The following POC1B variants were observed in gnomAD, a reference collection of about 807,000 sequenced individuals.
POC1B encodes POC1 centriolar protein homolog B.
A neutral mutation model predicts 60.6 loss-of-function variants in POC1B; 44 were observed. The observed-to-expected ratio is 0.73, with a 90% CI of 0.57 to 0.93. The LOEUF is 0.93. POC1B is among the 40% of genes least tolerant of loss of function. The pLI, the probability that POC1B is intolerant of heterozygous loss-of-function variation, is 0.00. For synonymous variants in POC1B, 180 were observed against 198.9 expected, an observed-to-expected ratio of 0.90 and a Z score of 0.80; for missense variants, 555 against 572.3, an observed-to-expected ratio of 0.97 and a Z score of 0.31.
In POC1B at chr12:89,459,688, G is replaced by A; in HGVS notation, c.1063C>T (p.Gln355Ter). Residue 355 changes from glutamine to a stop codon, truncating the protein, a stop_gained, in exon 10 of 12, where the codon CAG becomes TAG. Transcript: ENST00000313546. LOFTEE classifies it high-confidence loss of function. ...TCCATAACAGGGGGAGTAGAGATCT[G>A]CAAATCGATTACCTCAAGCTTTGGA... is the stretch of plus-strand genomic sequence containing the variant. ...INPKLEVIDL[Q>*]ISTPPVMDIL... 1 of 1,535,628 alleles carries A rather than the reference G, an allele frequency of 6.5e-7. No individual in the cohort carries two copies. Among genetic ancestry groups the A allele is most frequent in the Non-Finnish European group, 8.8e-7 (1 of 1,140,008 alleles).
intron 10 of POC1B, among the ~76,000 whole-genome samples, chr12:89,454,327 C>A (rs77829226): frequency 1.3e-5 from 2 of 152,302 alleles, no homozygotes; most frequent in Non-Finnish European, 2.9e-5. Flanking sequence ...AGAATCCGAT[C>A]GCTTATCACC....
At chr12:89,520,093 G>C (rs987114602) in intron 2 of POC1B, 1 of 152,064 alleles carries the variant, frequency 6.6e-6, no homozygotes, top group African/African-American at 2.4e-5. Context: ...AAATGTGAAA[G>C]TCCCACTTTT....
At chr12:89,422,318 C>A (rs1355529231) in intron 11 of POC1B, among the ~76,000 whole-genome samples, 2 of 152,182 alleles carry the variant, frequency 1.3e-5, no homozygotes, top group Non-Finnish European at 2.9e-5. Context: ...CATCCCTAGA[C>A]ATTAAAATTT....
chr12:89,498,307 T>C (rs1169089194), intron 2 of POC1B, among the ~76,000 whole-genome samples: 1 of 152,196 alleles, frequency 6.6e-6, no homozygotes, highest in East Asian at 1.9e-4. Context: ...AATAACTGAC[T>C]TGACAAAGAA....
intron 11 of POC1B, among the ~76,000 whole-genome samples, chr12:89,421,592 C>T (rs1008674221): frequency 2.6e-5 from 4 of 152,192 alleles, no homozygotes; most frequent in African/African-American, 9.6e-5. Context: ...GTGCCATAAG[C>T]TACACACTTA....
chr12:89,469,405 G>A lies in POC1B; in HGVS notation c.810+956C>T, dbSNP rs934339994. Among the ~76,000 whole-genome samples the A allele has an allele frequency of 2.6e-5, 4 of 152,082 alleles. No individual in the cohort carries two copies. The South Asian group carries it at 6.2e-4, about 24-fold the overall frequency. On this transcript the variant is annotated intron_variant, in intron 7 of 11. Transcript: ENST00000313546. ...CAAAGGAATACAGCACATAAGAATC[G>A]AAATATCACCTTTCTTTCTAATAAA...
chr12:89,471,154 C>T (rs557638765), intron 6 of POC1B, among the ~76,000 whole-genome samples: 8 of 152,272 alleles, frequency 5.3e-5, no homozygotes, highest in African/African-American at 1.9e-4. Context: ...GGAAAAGCTA[C>T]TATGTTTAAT....
chr12:89,517,728 T>C (rs1870515895), intron 2 of POC1B, among the ~76,000 whole-genome samples: 2 of 152,222 alleles, frequency 1.3e-5, no homozygotes, highest in South Asian at 4.1e-4. Flanking sequence ...TGGATTCGTG[T>C]TTACTTGTTA....
intron 2 of POC1B, chr12:89,524,589 C>T: frequency 6.2e-7 from 1 of 1,605,574 alleles, no homozygotes; most frequent in Non-Finnish European, 8.5e-7. Flanking sequence ...GGCCACCAAG[C>T]CACCACGCAG....
chr12:89,411,195 CTAAAG>C, the POC1B span, among the ~76,000 whole-genome samples: 5 of 152,306 alleles, frequency 3.3e-5, no homozygotes, highest in East Asian at 9.6e-4. Context: ...GCCATACTGC[CTAAAG>C]TAATTTATAG....
At chr12:89,461,314 AC>A (rs1882474223) in intron 9 of POC1B, 1 of 152,168 alleles carries the variant, frequency 6.6e-6, no homozygotes, top group South Asian at 2.1e-4. Context: ...GATCTAGAAA[AC>A]AAAAACAGAG....
chr12:89,456,370 T>C (rs1425306127), intron 10 of POC1B, among the ~76,000 whole-genome samples: 1 of 152,192 alleles, frequency 6.6e-6, no homozygotes, highest in Non-Finnish European at 1.5e-5. Flanking sequence ...CGTATCTTGT[T>C]TGTCTTTTTA....
chr12:89,408,899 C>T, the POC1B span, among the ~76,000 whole-genome samples: 1 of 152,118 alleles, frequency 6.6e-6, no homozygotes, highest in African/African-American at 2.4e-5. Context: ...TTTTCATATG[C>T]TTGTTGGCTG....
chr12:89,517,617 A>G (rs1050915011), intron 2 of POC1B, among the ~76,000 whole-genome samples: 5 of 151,888 alleles, frequency 3.3e-5, no homozygotes, highest in Admixed American at 6.6e-5. Flanking sequence ...TGGGCAACAG[A>G]GTGAGACTTG....
intron 1 of POC1B, chr12:89,525,473 C>T (rs959461149): frequency 2.2e-6 from 3 of 1,336,956 alleles, no homozygotes; most frequent in South Asian, 2.0e-5. Context: ...GAACCGCGGC[C>T]CCTTTGAAAT....
chr12:89,462,835 T>C (rs2120815587), intron 9 of POC1B, among the ~76,000 whole-genome samples: 1 of 152,300 alleles, frequency 6.6e-6, no homozygotes, highest in African/African-American at 2.4e-5. Flanking sequence ...AATATTAACT[T>C]AATTTGTATA....
At position 89,454,043 on chromosome 12, in the gene POC1B, T is replaced by G. The variant is rs186385648; in HGVS notation, c.1113+5595A>C. On this transcript the variant is annotated intron_variant, in intron 10 of 11. Transcript: ENST00000313546. ...ATCTAAATGACATTTAGGAAGGGAG[T>G]GTGCTTCCCAAAGTCATGGAAATGG... Among the ~76,000 whole-genome samples the G allele has an allele frequency of 3.0e-3, 453 of 152,134 alleles. 2 individuals carry two copies. In the Middle Eastern group the frequency reaches 0.041, roughly 14 times the overall value.
the POC1B span, among the ~76,000 whole-genome samples, chr12:89,411,053 C>A: frequency 3.9e-5 from 6 of 152,104 alleles, no homozygotes; most frequent in African/African-American, 1.2e-4. Context: ...CCTAGGAATA[C>A]AACTTACAAG....
intron 4 of POC1B, among the ~76,000 whole-genome samples, chr12:89,477,336 A>G (rs1479059570): frequency 6.6e-6 from 1 of 152,202 alleles, no homozygotes; most frequent in African/African-American, 2.4e-5. Context: ...CAGATGAAAA[A>G]TATGTAAAAA....
Sources: allele counts gnomAD v4.1 joint callset (sites outside exome capture counted in the v4.1 genomes callset), GRCh38; gene constraint gnomAD v4.1.1; transcripts MANE v1.5; gene names NCBI Gene and HGNC (gene_info 2026-07-23, HGNC 2026-07-21).